Variants in ADGRB3 observed in about 807,000 individuals in gnomAD.
ADGRB3 encodes the protein adhesion G protein-coupled receptor B3.
In ADGRB3, 37 loss-of-function variants were observed where a neutral mutation model predicts 193.4. The ratio of observed to expected loss-of-function variants is 0.19; its 90% CI spans 0.15 to 0.25. ADGRB3 has a LOEUF of 0.25. Ranked by LOEUF, ADGRB3 falls within the 10% of genes least tolerant of loss-of-function variation. The pLI, the probability that ADGRB3 is intolerant of heterozygous loss-of-function variation, is 1.00. For synonymous variants in ADGRB3, 690 were observed against 644.2 expected (o/e 1.07, Z -1.08); for missense variants, 1,637 against 1,852.9 (o/e 0.88, Z 2.14).
At chr6:69,306,129 G>A (rs898184075) in intron 20 of ADGRB3, among the ~76,000 whole-genome samples, 1 of 151,436 alleles carries the variant, frequency 6.6e-6, no homozygotes, top group African/African-American at 2.4e-5. Context: ...CTTCATGGGT[G>A]GGGGGAAGCA....
intron 17 of ADGRB3, among the ~76,000 whole-genome samples, chr6:69,103,476 A>C (rs1325950104): frequency 6.6e-6 from 1 of 152,132 alleles, no homozygotes. Context: ...CAATAATCAC[A>C]TTTTAAAAAT....
chr6:69,138,639 A>G (rs2150336919), intron 17 of ADGRB3, among the ~76,000 whole-genome samples: 1 of 152,324 alleles, frequency 6.6e-6, no homozygotes, highest in African/African-American at 2.4e-5. Context: ...GGTACAATAA[A>G]TGCTTCTTTA....
chr6:68,859,748 A>G (rs1482771391), intron 3 of ADGRB3, among the ~76,000 whole-genome samples: 1 of 152,164 alleles, frequency 6.6e-6, no homozygotes, highest in Non-Finnish European at 1.5e-5. Context: ...CATGGGAATT[A>G]TGGGAGCTAC....
At chr6:68,650,301 T>TAATAACTCTTCTTTGAGGGCC (rs1768331601) in intron 3 of ADGRB3, among the ~76,000 whole-genome samples, 1 of 152,190 alleles carries the variant, frequency 6.6e-6, no homozygotes, top group African/African-American at 2.4e-5. Context: ...TTCTTTGAGT[T>TAATAACTCTTCTTTGAGGGCC]TAGGCCCTCT....
At chr6:69,194,827 T>C (rs557710663) in intron 17 of ADGRB3, among the ~76,000 whole-genome samples, 1 of 152,276 alleles carries the variant, frequency 6.6e-6, no homozygotes, top group East Asian at 1.9e-4. Flanking sequence ...ACTTAGCATC[T>C]CTTGCCACAG....
At chr6:69,328,219 G>C (rs1768624032) in intron 22 of ADGRB3, among the ~76,000 whole-genome samples, 1 of 152,076 alleles carries the variant, frequency 6.6e-6, no homozygotes, top group African/African-American at 2.4e-5. Context: ...TTAGAACGTG[G>C]TGCTGCTATG....
chr6:68,969,887 T>G (rs1768508116), intron 8 of ADGRB3, among the ~76,000 whole-genome samples: 1 of 152,186 alleles, frequency 6.6e-6, no homozygotes, highest in Admixed American at 6.5e-5. Flanking sequence ...AATTTAAAAT[T>G]GAATCATTTC....
intron 15 of ADGRB3, among the ~76,000 whole-genome samples, chr6:69,055,919 C>T (rs1237343222): frequency 6.6e-6 from 1 of 152,058 alleles, no homozygotes; most frequent in Non-Finnish European, 1.5e-5. Context: ...CAACCTCTAC[C>T]TCTCCAGTTC....
At chr6:69,121,137 G>A (rs1044780791) in intron 17 of ADGRB3, among the ~76,000 whole-genome samples, 6 of 151,934 alleles carry the variant, frequency 3.9e-5, no homozygotes, top group Non-Finnish European at 7.4e-5. Flanking sequence ...GGTTTTCCTA[G>A]GCAGAGGTCC....
At position 68,956,791 on chromosome 6, in the gene ADGRB3, A is replaced by G; in HGVS notation, c.1507A>G (p.Asn503Asp). 6.2e-7 allele frequency: 1 copy of G among 1,613,898 alleles called. No homozygotes were observed. Among genetic ancestry groups the G allele is most frequent in the Non-Finnish European group, 8.5e-7 (1 of 1,179,818 alleles). ...AACGGGCGAAGAAGTGAGAAGATGC[A>G]ATGAGCAGCGATGCCCTGGTGAGAA... Reference protein sequence around the residue: ...EGTGEEVRRCNEQRCPAPYEI... With the variant: ...EGTGEEVRRCDEQRCPAPYEI... Residue 503 changes from asparagine to aspartate, a missense_variant, in exon 8 of 32, where the codon AAT becomes GAT. Transcript: ENST00000370598.
At chr6:68,699,745 T>G (rs1315939101) in intron 3 of ADGRB3, among the ~76,000 whole-genome samples, 1 of 150,578 alleles carries the variant, frequency 6.6e-6, no homozygotes, top group Non-Finnish European at 1.5e-5. Context: ...GTTCGACCAA[T>G]TAGTGTGCTG....
chr6:68,807,230 T>TTTTTC (rs869116435), intron 3 of ADGRB3, among the ~76,000 whole-genome samples: 3 of 92,838 alleles, frequency 3.2e-5, no homozygotes, highest in African/African-American at 8.2e-5. Flanking sequence ...TCTTTTTTCT[T>TTTTTC]TTTTCTTTTT....
At chr6:68,671,520 G>A (rs970271437) in intron 3 of ADGRB3, among the ~76,000 whole-genome samples, 9 of 151,830 alleles carry the variant, frequency 5.9e-5, no homozygotes, top group Non-Finnish European at 1.2e-4. Context: ...TGATCATATG[G>A]CTTTTATCTT....
chr6:68,959,527 G>A (rs919391025), intron 8 of ADGRB3, among the ~76,000 whole-genome samples: 1 of 151,914 alleles, frequency 6.6e-6, no homozygotes, highest in Non-Finnish European at 1.5e-5. Flanking sequence ...TTGTCAGGAA[G>A]GAGAAATATA....
At position 69,083,733 on chromosome 6, in the gene ADGRB3, C is replaced by G. The variant is rs182910391; in HGVS notation, c.2480+7695C>G. On this transcript the variant is annotated intron_variant, in intron 17 of 31. Transcript: ENST00000370598. Reference sequence around the variant, plus strand: ...CGAAAATGTGTAAAGGATCCAGGATCCATCTCCAGCTTTCATGAGCCACCT... The same window carrying G: ...CGAAAATGTGTAAAGGATCCAGGATGCATCTCCAGCTTTCATGAGCCACCT... Among the ~76,000 whole-genome samples the G allele has an allele frequency of 3.7e-4, 56 of 151,514 alleles. 1 individual carries two copies. Among genetic ancestry groups the G allele is most frequent in the Admixed American group, 3.6e-3 (54 of 15,190 alleles).
intron 3 of ADGRB3, among the ~76,000 whole-genome samples, chr6:68,762,187 C>A (rs1766405070): frequency 6.6e-6 from 1 of 152,060 alleles, no homozygotes; most frequent in Non-Finnish European, 1.5e-5. Flanking sequence ...ACCATCTCAT[C>A]TTCTGTCTTG....
At chr6:69,171,376 T>C (rs1007962275) in intron 17 of ADGRB3, among the ~76,000 whole-genome samples, 4 of 152,192 alleles carry the variant, frequency 2.6e-5, no homozygotes, top group African/African-American at 7.2e-5. Flanking sequence ...ATGATCTGAG[T>C]TGAGAAACAT....
chr6:68,679,330 G>A (rs1185248612), intron 3 of ADGRB3, among the ~76,000 whole-genome samples: 1 of 152,100 alleles, frequency 6.6e-6, no homozygotes, highest in Admixed American at 6.5e-5. Context: ...CAAGGATTCA[G>A]ATTTCTTCCT....
intron 11 of ADGRB3, among the ~76,000 whole-genome samples, chr6:69,007,773 G>C (rs757891119): frequency 6.6e-6 from 1 of 150,676 alleles, no homozygotes; most frequent in Non-Finnish European, 1.5e-5. Flanking sequence ...TTTTGTTTTC[G>C]TGTCACTGTC....
Sources: allele counts gnomAD v4.1 joint callset (sites outside exome capture counted in the v4.1 genomes callset), GRCh38; gene constraint gnomAD v4.1.1; transcripts MANE v1.5; gene names NCBI Gene and HGNC (gene_info 2026-07-23, HGNC 2026-07-21).